The following FHIT variants were observed in gnomAD, a reference collection of about 807,000 sequenced individuals.
FHIT encodes fragile histidine triad diadenosine triphosphatase.
A neutral mutation model predicts 17.9 loss-of-function variants in FHIT; 19 were observed. The observed-to-expected ratio is 1.06, with a 90% CI of 0.74 to 1.56. The LOEUF (loss-of-function observed/expected upper bound fraction) is 1.56, where lower values mean the gene tolerates loss of function less well. FHIT is among the 40% of genes most tolerant of loss of function. The probability of loss-of-function intolerance (pLI) is 0.00; values close to 1 mark genes in which losing one functional copy is unlikely to be tolerated. For missense variants in FHIT, 248 were observed against 189.2 expected, an observed-to-expected ratio of 1.31 and a Z score of -1.82; for synonymous variants, 81 against 69.7, an observed-to-expected ratio of 1.16 and a Z score of -0.81.
At chr3:61,065,212 T>C (rs1341432527) in intron 2 of FHIT, among the ~76,000 whole-genome samples, 4 of 151,786 alleles carry the variant, frequency 2.6e-5, no homozygotes, top group Non-Finnish European at 4.4e-5. Context: ...TCACAGTGAG[T>C]AATGTGATCA....
chr3:60,154,265 G>A (rs1044629447), intron 5 of FHIT, among the ~76,000 whole-genome samples: 1 of 151,970 alleles, frequency 6.6e-6, no homozygotes, highest in African/African-American at 2.4e-5. Context: ...GAGTCAATAA[G>A]CATTCCTTCC....
At chr3:60,304,504 A>T (rs1301549146) in intron 5 of FHIT, among the ~76,000 whole-genome samples, 1 of 152,064 alleles carries the variant, frequency 6.6e-6, no homozygotes, top group African/African-American at 2.4e-5. Context: ...GGTCATGGCC[A>T]CATTTACTCC....
chr3:59,929,189 T>C (rs938507980), intron 7 of FHIT, among the ~76,000 whole-genome samples: 5 of 151,672 alleles, frequency 3.3e-5, no homozygotes, highest in African/African-American at 7.3e-5. Context: ...CAATTTGTTA[T>C]AGCAACAAGT....
intron 4 of FHIT, among the ~76,000 whole-genome samples, chr3:60,624,239 G>C (rs140235179): frequency 1.3e-5 from 2 of 152,328 alleles, no homozygotes; most frequent in African/African-American, 4.8e-5. Flanking sequence ...TGAGAAGCAA[G>C]GAGTGGTAAG....
intron 5 of FHIT, among the ~76,000 whole-genome samples, chr3:60,491,973 G>T (rs1182612271): frequency 6.6e-6 from 1 of 152,124 alleles, no homozygotes; most frequent in Non-Finnish European, 1.5e-5. Context: ...TTCAAATAAA[G>T]AACTTTCTAA....
At chr3:60,949,297 C>T (rs1449128866) in intron 3 of FHIT, among the ~76,000 whole-genome samples, 1 of 152,268 alleles carries the variant, frequency 6.6e-6, no homozygotes, top group East Asian at 1.9e-4. Flanking sequence ...TCTTTGCAAT[C>T]TCTGCTTTTA....
intron 5 of FHIT, among the ~76,000 whole-genome samples, chr3:60,134,649 G>T (rs910218181): frequency 3.9e-5 from 6 of 152,128 alleles, no homozygotes; most frequent in African/African-American, 1.4e-4. Context: ...ACAATAATGG[G>T]CTCCTGTTCA....
Position 60,522,108 on chromosome 3 carries a change from T to TTG in FHIT, c.103+14751_103+14752insCA, listed in dbSNP as rs1265752875. Among the ~76,000 whole-genome samples the TTG allele has an allele frequency of 6.8e-5, 10 of 147,602 alleles. No individual in the cohort carries two copies. The South Asian group carries it at 8.9e-4, about 13-fold the overall frequency. ...AGAAACAGCAACAGCAACCAGAAGT[T>TTG]TTTTTTTTTTTTTTTTCTGACACAG... On this transcript the variant is annotated intron_variant, in intron 5 of 9. Coordinates refer to ENST00000492590, the MANE Select transcript of FHIT (RefSeq NM_002012.4).
chr3:59,955,298 C>T (rs1326436313), intron 7 of FHIT, among the ~76,000 whole-genome samples: 4 of 152,296 alleles, frequency 2.6e-5, no homozygotes, highest in Admixed American at 6.5e-5. Context: ...ACCCCGGCAC[C>T]GGCTCCTGGG....
chr3:60,458,289 G>A (rs1338005756), intron 5 of FHIT, among the ~76,000 whole-genome samples: 1 of 152,036 alleles, frequency 6.6e-6, no homozygotes, highest in Non-Finnish European at 1.5e-5. Context: ...GTAGGGACAT[G>A]GATGAAGGTG....
intron 4 of FHIT, among the ~76,000 whole-genome samples, chr3:60,612,870 A>C (rs2107735215): frequency 6.6e-6 from 1 of 152,264 alleles, no homozygotes; most frequent in South Asian, 2.1e-4. Context: ...CAGCCTTCAA[A>C]TGGCTCTCAA....
chr3:61,011,817 C>T (rs993438112), intron 3 of FHIT, among the ~76,000 whole-genome samples: 4 of 152,098 alleles, frequency 2.6e-5, no homozygotes, highest in African/African-American at 9.7e-5. Context: ...GCGATGGTGT[C>T]TTATTTCTCT....
At chr3:60,387,952 G>A (rs1175006791) in intron 5 of FHIT, among the ~76,000 whole-genome samples, 1 of 152,004 alleles carries the variant, frequency 6.6e-6, no homozygotes, top group Non-Finnish European at 1.5e-5. Context: ...AGAACTGGTG[G>A]TTAAAAGGAG....
chr3:60,505,170 CCTTT>C (rs1379313136), intron 5 of FHIT, among the ~76,000 whole-genome samples: 11 of 152,052 alleles, frequency 7.2e-5, no homozygotes, highest in Admixed American at 4.6e-4. Flanking sequence ...TTTTTTCCTT[CCTTT>C]ATTTTAATAG....
At chr3:61,036,254 C>T (rs1049787333) in intron 3 of FHIT, among the ~76,000 whole-genome samples, 6 of 152,124 alleles carry the variant, frequency 3.9e-5, no homozygotes, top group Admixed American at 3.3e-4. Context: ...ATCTCCAAAA[C>T]TCACTCACTA....
At chr3:60,439,020 G>T (rs555473168) in intron 5 of FHIT, among the ~76,000 whole-genome samples, 6 of 152,206 alleles carry the variant, frequency 3.9e-5, no homozygotes, top group Non-Finnish European at 7.4e-5. Flanking sequence ...TTTTTCGAAA[G>T]ATGAGATAAA....
intron 1 of FHIT, among the ~76,000 whole-genome samples, chr3:61,227,515 A>G (rs986749072): frequency 1.3e-5 from 2 of 152,194 alleles, no homozygotes; most frequent in African/African-American, 4.8e-5. Flanking sequence ...CAATACCAAG[A>G]GCATAAATTT....
At chr3:60,950,826 G>A (rs1708849000) in intron 3 of FHIT, among the ~76,000 whole-genome samples, 1 of 151,966 alleles carries the variant, frequency 6.6e-6, no homozygotes, top group Non-Finnish European at 1.5e-5. Flanking sequence ...CCCGGCCTAG[G>A]TAGGGCTTTT....
intron 5 of FHIT, among the ~76,000 whole-genome samples, chr3:60,087,692 C>T (rs1211036539): frequency 2.0e-5 from 3 of 152,200 alleles, no homozygotes; most frequent in Non-Finnish European, 2.9e-5. Flanking sequence ...TACTATGTAA[C>T]AAGGGTGACA....
Sources: allele counts gnomAD v4.1 joint callset (sites outside exome capture counted in the v4.1 genomes callset), GRCh38; gene constraint gnomAD v4.1.1; transcripts MANE v1.5; gene names NCBI Gene and HGNC (gene_info 2026-07-23, HGNC 2026-07-21).